The following IRF6 variants were observed in gnomAD, a reference collection of about 807,000 sequenced individuals.
IRF6 encodes the protein interferon regulatory factor 6.
IRF6 carries 6 observed loss-of-function variants against 51.4 expected under a neutral mutation model. That is an observed-to-expected ratio of 0.12 (90% confidence interval 0.06 to 0.23). IRF6 has a LOEUF of 0.23. IRF6 is among the 10% of genes least tolerant of loss of function. The probability of loss-of-function intolerance (pLI) is 1.00; values close to 1 mark genes in which losing one functional copy is unlikely to be tolerated. For synonymous variants in IRF6, 178 were observed against 215.7 expected, an observed-to-expected ratio of 0.83 and a Z score of 1.53; for missense variants, 348 against 585.2, an observed-to-expected ratio of 0.59 and a Z score of 4.18.
At position 209,796,721 on chromosome 1, in the gene IRF6, G is replaced by T. The variant is rs1478009480; in HGVS notation, c.175-169C>A. Among the ~76,000 whole-genome samples the T allele has an allele frequency of 6.6e-6, 1 of 151,132 alleles. No individual in the cohort carries two copies. Among genetic ancestry groups the T allele is most frequent in the African/African-American group, 2.4e-5 (1 of 40,968 alleles). On this transcript the variant is annotated intron_variant, in intron 3 of 8. Coordinates refer to ENST00000367021, the MANE Select transcript of IRF6 (RefSeq NM_006147.4). This position sits in a 1 kb window ranked among gnomAD's most constrained non-coding sequence, Gnocchi z 4.5. ...CATCATCCCAACCCCGATTTACAGA[G>T]ACTGCAGCAGGAAACACTGCCCTTA...
In IRF6 at chr1:209,790,793, C is replaced by A; in HGVS notation, c.762G>T (p.Gly254=). The change falls in exon 7 of 9, where the codon GGG becomes GGT. Residue 254 remains glycine (G), a synonymous_variant. Transcript: ENST00000367021. The surrounding 1 kb of genome is among the most constrained non-coding windows in gnomAD (Gnocchi z 4.8). ...SNPQGCRLFY[G]DLGPMPDQEE... is the part of the protein sequence containing the mutation. ...CCTGGTCAGGCATGGGACCCAGGTCCCCATAGAAGAGTCGGCAGCCCTGAG... is the reference window on the plus strand; with the variant it reads ...CCTGGTCAGGCATGGGACCCAGGTCACCATAGAAGAGTCGGCAGCCCTGAG... 6.2e-7 allele frequency: 1 copy of A among 1,614,162 alleles called. No homozygotes were observed. The highest frequency in any genetic ancestry group is 1.1e-5 in the South Asian group (1 of 91,078).
chr1:209,801,463 A>T (rs2077941609), intron 2 of IRF6, 47 bp from the exon 3 acceptor site: 1 of 1,465,410 alleles, frequency 6.8e-7, no homozygotes, highest in Non-Finnish European at 9.2e-7. Context: ...GAATTAGGCC[A>T]GCCACTGGGA....
intron 5 of IRF6, among the ~76,000 whole-genome samples, chr1:209,794,345 T>C (rs919451854): frequency 2.0e-5 from 3 of 152,228 alleles, no homozygotes; most frequent in Non-Finnish European, 2.9e-5. Context: ...TGTGGCAATA[T>C]TGACCTGCAA....
intron 8 of IRF6, 93 bp downstream of exon 8, chr1:209,789,574 C>G (rs1405496774): frequency 1.1e-6 from 1 of 884,350 alleles, no homozygotes; most frequent in African/African-American, 1.6e-5. Context: ...CCTACATGGG[C>G]TGATGGATGC....
chr1:209,795,189 T>C (rs1558040727), intron 5 of IRF6, 101 bp downstream of exon 5: 1 of 1,356,364 alleles, frequency 7.4e-7, no homozygotes, highest in African/African-American at 1.4e-5. Context: ...CAGGGACTGA[T>C]CCTGCTTTCA....
At chr1:209,792,890 TACTCAA>T (rs1274773858) in intron 5 of IRF6, among the ~76,000 whole-genome samples, 2 of 152,218 alleles carry the variant, frequency 1.3e-5, no homozygotes, top group Non-Finnish European at 2.9e-5. Flanking sequence ...TCTGGAAGGA[TACTCAA>T]GAACCTAGAA....
At position 209,792,349 on chromosome 1, in the gene IRF6, T is replaced by G; in HGVS notation, c.587A>C (p.Glu196Ala). The G allele has an allele frequency of 6.2e-7, 1 of 1,614,214 alleles. No individual in the cohort carries two copies. The highest frequency in any genetic ancestry group is 1.7e-5 in the Admixed American group (1 of 60,028). The change falls in exon 6 of 9, where the codon GAA becomes GCA. Residue 196 changes from glutamate (E) to alanine (A), a missense_variant. By Grantham distance (107) the Glu-to-Ala change is moderately radical. Around this residue, in one of 5 missense-constraint regions of IRF6, gnomAD observed 124 missense variants for 141.6 expected, o/e 0.88. Coordinates refer to ENST00000367021, the MANE Select transcript of IRF6 (RefSeq NM_006147.4). ...CSPEAVWPKT[E>A]PLEMEVPQAP... ...CTGGGGTACTTCCATCTCCAGGGGTTCAGTTTTGGGCCACACTGCCTCCGG... is the reference window on the plus strand; with the variant it reads ...CTGGGGTACTTCCATCTCCAGGGGTGCAGTTTTGGGCCACACTGCCTCCGG...
rs35878470 is a variant in IRF6, at chr1:209,801,183, C to CAAAAA, written c.174+52_174+56dup. 74 of 1,045,928 alleles carry CAAAAA rather than the reference C, an allele frequency of 7.1e-5. 1 individual carries two copies. The highest frequency in any genetic ancestry group is 5.2e-4 in the African/African-American group (25 of 48,420). 64.8% of individuals were successfully genotyped at this position (1,045,928 alleles called of 1,614,324 possible). On this transcript the variant is annotated intron_variant, in intron 3 of 8. Transcript: ENST00000367021. Reference sequence around the variant, plus strand: ...TTTAGATCTAGTGTATTCCCCATGCCAAAAAAAAAAAAAAAAAAAAATCCA... The same window carrying CAAAAA: ...TTTAGATCTAGTGTATTCCCCATGCCAAAAAAAAAAAAAAAAAAAAAAAAAATCCA...
chr1:209,797,643 CAAG>C (rs2077911408), intron 3 of IRF6, among the ~76,000 whole-genome samples: 2 of 152,164 alleles, frequency 1.3e-5, no homozygotes, highest in Admixed American at 6.5e-5. Context: ...TTTCCCCAGA[CAAG>C]AAGAAGTTAG....
intron 5 of IRF6, chr1:209,792,818 G>A: frequency 3.5e-6 from 1 of 288,232 alleles, no homozygotes; most frequent in Non-Finnish European, 6.7e-6. Context: ...TTAGCTTCGA[G>A]TAAGTGTTAA....
chr1:209,802,993 A>G (rs1186878684), intron 1 of IRF6, among the ~76,000 whole-genome samples: 2 of 152,188 alleles, frequency 1.3e-5, no homozygotes, highest in African/African-American at 4.8e-5. Flanking sequence ...TTCTGACCCA[A>G]TTACCAAGTC....
rs533248616 is a variant in IRF6, at chr1:209,790,257, C to T, written c.1060+238G>A. ...CCCTCTTCTGCCATTGAAGGAGCCA[C>T]AACCAACTTAAAAATAGCTTCCAAG... On this transcript the variant is annotated intron_variant, in intron 7 of 8. Transcript: ENST00000367021. This position sits in a 1 kb window ranked among gnomAD's most constrained non-coding sequence, Gnocchi z 4.8. Among the ~76,000 whole-genome samples, 2 of 152,234 alleles carry T rather than the reference C, an allele frequency of 1.3e-5. No homozygotes were observed. The highest frequency in any genetic ancestry group is 6.5e-5 in the Admixed American group (1 of 15,284).
rs2077845153 is a variant in IRF6 at position 209,788,088 on chromosome 1, T to C, written c.*332A>G. The C allele has an allele frequency of 8.7e-6, 3 of 346,506 alleles. No homozygotes were observed. The highest frequency in any genetic ancestry group is 1.6e-5 in the Non-Finnish European group (3 of 184,746). 21.5% of individuals were successfully genotyped at this position (346,506 alleles called of 1,614,324 possible). On this transcript the variant is annotated 3_prime_UTR_variant, in exon 9 of 9. Coordinates refer to ENST00000367021, the MANE Select transcript of IRF6 (RefSeq NM_006147.4). ...TCCAATCTCTTCACTTTATAAGCAA[T>C]AAATCTGAAGCCCAGAGGTTAAAGG...
intron 8 of IRF6, 27 bp from the exon 9 acceptor site, chr1:209,788,671 A>G (rs1350415524): frequency 2.5e-6 from 4 of 1,572,214 alleles, no homozygotes; most frequent in African/African-American, 1.3e-5. Flanking sequence ...ACACAGGTGT[A>G]TCCTCTGAGG....
intron 1 of IRF6, among the ~76,000 whole-genome samples, chr1:209,805,480 A>C (rs1325249286): frequency 6.6e-6 from 1 of 152,308 alleles, no homozygotes; most frequent in East Asian, 1.9e-4. Flanking sequence ...AAACAGACTC[A>C]GGGAGGGAAG....
rs1211595299 is a variant in IRF6 at position 209,790,411 on chromosome 1, C to G, written c.1060+84G>C. The G allele has an allele frequency of 6.8e-6, 10 of 1,481,216 alleles. No homozygotes were observed. The highest frequency in any genetic ancestry group is 8.5e-6 in the Non-Finnish European group (9 of 1,062,416). 91.8% of individuals were successfully genotyped at this position (1,481,216 alleles called of 1,614,324 possible). A position where few individuals can be genotyped will look rare whatever the true frequency, so the allele number is the denominator to read the frequency against. Reference sequence around the variant, plus strand: ...TAAGATCTTTGCCATGCCAGGAAAGCAGGAAGGTGAAAGACAGGGATAGTG... The same window carrying G: ...TAAGATCTTTGCCATGCCAGGAAAGGAGGAAGGTGAAAGACAGGGATAGTG... On this transcript the variant is annotated intron_variant, in intron 7 of 8. Transcript: ENST00000367021. The surrounding 1 kb of genome is among the most constrained non-coding windows in gnomAD (Gnocchi z 4.8).
intron 5 of IRF6, 130 bp from the exon 6 acceptor site, chr1:209,792,557 C>T: frequency 1.1e-6 from 1 of 911,128 alleles, no homozygotes. Flanking sequence ...GATCTTCCAG[C>T]CCATCAGTGA....
chr1:209,788,828 G>T (rs987700373), intron 8 of IRF6, among the ~76,000 whole-genome samples, 184 bp from the exon 9 acceptor site: 1 of 152,174 alleles, frequency 6.6e-6, no homozygotes, highest in African/African-American at 2.4e-5. Context: ...TGTGGAAGTT[G>T]GTTCAAATGA....
intron 1 of IRF6, among the ~76,000 whole-genome samples, chr1:209,803,881 A>AAC (rs34349445): frequency 0.36 from 55,351 of 152,028 alleles, 10,476 homozygotes; most frequent in East Asian, 0.57. Flanking sequence ...GGCAGGGGGA[A>AAC]ACAGCATACA....
Sources: allele counts gnomAD v4.1 joint callset (sites outside exome capture counted in the v4.1 genomes callset), GRCh38; gene constraint gnomAD v4.1.1; regional missense constraint gnomAD v4.1.1; non-coding constraint Gnocchi (gnomAD v3.1); transcripts MANE v1.5; gene names NCBI Gene and HGNC (gene_info 2026-07-23, HGNC 2026-07-21).